Variants in ANKRD30A observed in about 807,000 individuals in gnomAD.
ANKRD30A encodes the protein ankyrin repeat domain-containing protein 30A.
Under a neutral mutation model 166.3 loss-of-function variants are expected in ANKRD30A, and 170 were observed. The observed-to-expected ratio is 1.02, with a 90% CI of 0.90 to 1.16. The LOEUF is 1.16. ANKRD30A is among the 50% of genes most tolerant of loss of function. The probability of loss-of-function intolerance (pLI) is 0.00; values close to 1 mark genes in which losing one functional copy is unlikely to be tolerated. For missense variants in ANKRD30A, 1,630 were observed against 1,518.0 expected (o/e 1.07, Z -1.23); for synonymous variants, 564 against 508.9 (o/e 1.11, Z -1.46).
chr10:37,152,265 G>A (rs1165930157), intron 12 of ANKRD30A, 144 bp downstream of exon 12: 1 of 686,240 alleles, frequency 1.5e-6, no homozygotes, highest in Non-Finnish European at 2.4e-6. Flanking sequence ...GCTTAATGGA[G>A]AATCTATGTG....
Position 37,130,360 on chromosome 10 carries a change from C to A in ANKRD30A, c.492C>A (p.Val164=). ...VVAKLLSHGA[V]IEVHNKASLT... ...CAAAACTGCTGTCCCATGGTGCAGT[C>A]ATCGAAGTGCACAACAAGGTAGACA... The change falls in exon 3 of 36, where the codon GTC becomes GTA. Residue 164 remains valine (V), a synonymous_variant. Coordinates refer to ENST00000361713, the MANE Select transcript of ANKRD30A (RefSeq NM_052997.3). 3.3e-6 allele frequency: 5 copies of A among 1,520,678 alleles called. No individual in the cohort carries two copies. Among genetic ancestry groups the A allele is most frequent in the Non-Finnish European group, 4.4e-6 (5 of 1,132,642 alleles). The allele number at this position is 1,520,678 out of a possible 1,614,324, so 94.2% of individuals were successfully genotyped here.
chr10:37,247,893 A>G, the ANKRD30A span, among the ~76,000 whole-genome samples: 6 of 151,772 alleles, frequency 4.0e-5, no homozygotes, highest in South Asian at 8.3e-4. Context: ...AAAAAAAAAA[A>G]AAAAAGAAAA....
intron 31 of ANKRD30A, among the ~76,000 whole-genome samples, chr10:37,215,372 C>A (rs1842550346): frequency 6.6e-6 from 1 of 151,352 alleles, no homozygotes. Flanking sequence ...GACTCACATG[C>A]AATCTTTATT....
chr10:37,179,037 TA>T (rs1839972701), intron 24 of ANKRD30A, among the ~76,000 whole-genome samples: 5 of 62,842 alleles, frequency 8.0e-5, no homozygotes, highest in Admixed American at 1.9e-4. Context: ...TATATATATA[TA>T]TATATATATA....
intron 6 of ANKRD30A, among the ~76,000 whole-genome samples, chr10:37,139,226 C>T (rs1021112569): frequency 5.9e-5 from 9 of 152,180 alleles, no homozygotes. Context: ...AGGGGTCTGT[C>T]CTGCAGATGG....
downstream of ANKRD30A, among the ~76,000 whole-genome samples, chr10:37,235,390 A>G (rs958556808): frequency 6.6e-6 from 1 of 152,224 alleles, no homozygotes; most frequent in African/African-American, 2.4e-5. Flanking sequence ...GCCTTCAGAC[A>G]TTAAACTATT....
chr10:37,192,998 C>A (rs932717404), intron 25 of ANKRD30A, 66 bp from the exon 26 acceptor site: 1 of 1,530,436 alleles, frequency 6.5e-7, no homozygotes, highest in East Asian at 2.3e-5. Context: ...GTTGACAGTG[C>A]GTGAATGTTC....
intron 25 of ANKRD30A, among the ~76,000 whole-genome samples, chr10:37,192,380 T>C (rs369548330): frequency 1.3e-5 from 2 of 152,156 alleles, no homozygotes; most frequent in Admixed American, 6.5e-5. Flanking sequence ...TGGACCTTTT[T>C]GTATAAGTGG....
intron 29 of ANKRD30A, among the ~76,000 whole-genome samples, 182 bp downstream of exon 29, chr10:37,197,662 T>G (rs113987947): frequency 1.3e-5 from 2 of 152,186 alleles, no homozygotes; most frequent in Non-Finnish European, 2.9e-5. Flanking sequence ...TTCAATATTT[T>G]TTTTAAAAAA....
chr10:37,132,516 A>C (rs1836439422), intron 4 of ANKRD30A, among the ~76,000 whole-genome samples, 170 bp downstream of exon 4: 1 of 152,214 alleles, frequency 6.6e-6, no homozygotes, highest in African/African-American at 2.4e-5. Context: ...CATAAAGAAC[A>C]GTATATAGTA....
intron 13 of ANKRD30A, among the ~76,000 whole-genome samples, chr10:37,155,721 G>C (rs17606421): frequency 1.2e-4 from 19 of 152,122 alleles, no homozygotes; most frequent in Non-Finnish European, 8.8e-5. Context: ...AATGGTTGTA[G>C]AATGTTGTTG....
rs200929491 is a variant in ANKRD30A, at chr10:37,219,860, G to A, written c.4148G>A (p.Arg1383His). Residue 1383 changes from arginine (R) to histidine (H), a missense_variant, in exon 34 of 36, where the codon CGT becomes CAT. Transcript: ENST00000361713. ...IFNYNNHLKN[R>H]IYQYEKEKAE... is the part of the protein sequence containing the mutation. Reference sequence around the variant, plus strand: ...AATTACAATAACCATTTAAAAAACCGTATATATCAATATGAAAAAGAGAAA... The same window carrying A: ...AATTACAATAACCATTTAAAAAACCATATATATCAATATGAAAAAGAGAAA... 136 of 1,547,688 alleles carry A rather than the reference G, an allele frequency of 8.8e-5. No homozygotes were observed. Among genetic ancestry groups the A allele is most frequent in the Middle Eastern group, 3.5e-4 (2 of 5,792 alleles).
At chr10:37,261,827 G>C in the ANKRD30A span, 1 of 152,768 alleles carries the variant, frequency 6.5e-6, no homozygotes, top group Non-Finnish European at 1.5e-5. Flanking sequence ...CCATGCTCAG[G>C]ATCTAGGAAG....
At position 37,150,918 on chromosome 10, in the gene ANKRD30A, G is replaced by A. The variant is rs1388962676; in HGVS notation, c.1645+1069G>A. ...CTAAGAATTTGAACTGTGCCCCACA[G>A]CTTCTTAGAGCTATGGTGTGGCAAC... On this transcript the variant is annotated intron_variant, in intron 11 of 35. Transcript: ENST00000361713. Among the ~76,000 whole-genome samples, 3 of 151,932 alleles carry A rather than the reference G, an allele frequency of 2.0e-5. No individual in the cohort carries two copies. In the East Asian group the frequency reaches 5.8e-4, roughly 29 times the overall value.
In ANKRD30A at chr10:37,152,050, C is replaced by A. The variant is rs760765417; in HGVS notation, c.1646-10C>A. The A allele has an allele frequency of 1.2e-6, 2 of 1,602,802 alleles. No homozygotes were observed. The highest frequency in any genetic ancestry group is 1.1e-5 in the South Asian group (1 of 89,316). On this transcript the variant is annotated splice_polypyrimidine_tract_variant and intron_variant, in intron 11 of 35. Coordinates refer to ENST00000361713, the MANE Select transcript of ANKRD30A (RefSeq NM_052997.3). The stretch of plus-strand genomic sequence containing the variant: ...TTGTCATGAATGTTTCTGTGATTAA[C>A]CTTTTATAGATCCGATGTTCCCACC...
intron 31 of ANKRD30A, among the ~76,000 whole-genome samples, chr10:37,209,289 T>A (rs1168338685): frequency 6.6e-6 from 1 of 152,144 alleles, no homozygotes; most frequent in Non-Finnish European, 1.5e-5. Flanking sequence ...GGAAATAGAT[T>A]TCATTGGCGC....
chr10:37,147,491 A>C, intron 9 of ANKRD30A, 34 bp downstream of exon 9: 1 of 1,434,734 alleles, frequency 7.0e-7, no homozygotes, highest in Non-Finnish European at 9.6e-7. Context: ...AAGTCTTTTA[A>C]CCATATGTTT....
chr10:37,162,952 G>C (rs1301667037), intron 17 of ANKRD30A, 104 bp downstream of exon 17: 8 of 1,407,132 alleles, frequency 5.7e-6, no homozygotes, highest in Middle Eastern at 2.6e-4. Context: ...TTGATGAAAA[G>C]ATTTGATCTA....
chr10:37,154,553 G>A (rs4540792), intron 13 of ANKRD30A, among the ~76,000 whole-genome samples: 18 of 152,154 alleles, frequency 1.2e-4, no homozygotes, highest in South Asian at 6.2e-4. Flanking sequence ...AGAAGAAAGG[G>A]GCAATGCAAT....
Sources: gnomAD v4.1 joint callset for allele counts (sites outside exome capture counted in the v4.1 genomes callset) on GRCh38, gnomAD v4.1.1 for gene constraint, MANE v1.5 for transcripts, NCBI Gene and HGNC (gene_info 2026-07-23, HGNC 2026-07-21) for gene names.